ASCC2: variants seen among roughly 807,000 people sequenced by gnomAD.
The protein encoded by ASCC2 is activating signal cointegrator 1 complex subunit 2, also known as ASC-1 complex subunit P100.
A neutral mutation model predicts 93.5 loss-of-function variants in ASCC2; 42 were observed. That is an observed-to-expected ratio of 0.45 (90% confidence interval 0.35 to 0.58). ASCC2 has a LOEUF of 0.58. Among genes scored for constraint, ASCC2 ranks in the 20% least tolerant of loss-of-function variants. The probability of loss-of-function intolerance (pLI) is 0.00; values close to 1 mark genes in which losing one functional copy is unlikely to be tolerated. For synonymous variants in ASCC2, 364 were observed against 384.2 expected, an observed-to-expected ratio of 0.95 and a Z score of 0.62; for missense variants, 859 against 977.6, an observed-to-expected ratio of 0.88 and a Z score of 1.62.
At chr22:29,794,684 GAACTGTGCCACATC>G (rs1162900336) in intron 15 of ASCC2, among the ~76,000 whole-genome samples, 1 of 152,198 alleles carries the variant, frequency 6.6e-6, no homozygotes, top group Non-Finnish European at 1.5e-5. Context: ...AGAGCCAAAT[GAACTGTGCCACATC>G]TGTATTAGAT....
At chr22:29,793,761 T>A (rs1346342310) in intron 15 of ASCC2, 85 bp from the exon 16 acceptor site, 1 of 1,278,252 alleles carries the variant, frequency 7.8e-7, no homozygotes, top group Non-Finnish European at 1.1e-6. Flanking sequence ...GACCACAGGC[T>A]TAACTGCTCC....
chr22:29,813,680 C>T, intron 7 of ASCC2, 138 bp from the exon 8 acceptor site: 1 of 641,456 alleles, frequency 1.6e-6, no homozygotes, highest in South Asian at 1.9e-5. Flanking sequence ...ACTGGAGGTC[C>T]CAGGCAAAGT....
rs753366452 is a variant in ASCC2 at position 29,800,966 on chromosome 22, G to C, written c.1688+25C>G. ...CTGCACTTCCAGAGTTGGGGTATCG[G>C]AACCCCATGGCCCACTGCACTCACC... On this transcript the variant is annotated intron_variant, in intron 15 of 19. Transcript: ENST00000307790. 9 of 1,556,850 alleles carry C rather than the reference G, an allele frequency of 5.8e-6. No individual in the cohort carries two copies. In the South Asian group the frequency reaches 9.3e-5, roughly 16 times the overall value.
intron 15 of ASCC2, among the ~76,000 whole-genome samples, chr22:29,797,317 C>T (rs569770655): frequency 1.2e-4 from 19 of 152,302 alleles, no homozygotes; most frequent in Admixed American, 9.8e-4. Context: ...TCAAGCCTGT[C>T]CTTCAAGGCC....
intron 2 of ASCC2, among the ~76,000 whole-genome samples, chr22:29,829,263 T>G (rs763545748): frequency 6.6e-6 from 1 of 152,242 alleles, no homozygotes; most frequent in Non-Finnish European, 1.5e-5. Context: ...AATGCCTGAA[T>G]AAAGCTGTAT....
At chr22:29,810,502 G>C (rs182453429) in intron 8 of ASCC2, among the ~76,000 whole-genome samples, 4 of 152,320 alleles carry the variant, frequency 2.6e-5, no homozygotes, top group African/African-American at 9.6e-5. Context: ...CCACAGGATA[G>C]TCCAGAAAAA....
intron 4 of ASCC2, among the ~76,000 whole-genome samples, chr22:29,824,522 G>C (rs2062031423): frequency 6.6e-6 from 1 of 151,926 alleles, no homozygotes; most frequent in African/African-American, 2.4e-5. Context: ...GGCTGAGATG[G>C]GAGGATCACT....
Position 29,817,977 on chromosome 22 carries a change from C to T in ASCC2, c.542-1904G>A, listed in dbSNP as rs148060801. On this transcript the variant is annotated intron_variant, in intron 5 of 19. Transcript: ENST00000307790. ...TTGCAAAGCAGTGTCAAGAGTCTAA[C>T]TGAAATGGCTTGCTTTCAAAATTAT... Among the ~76,000 whole-genome samples the T allele has an allele frequency of 8.1e-3, 1,226 of 151,730 alleles. 18 individuals are homozygous for T. Among genetic ancestry groups the T allele is most frequent in the African/African-American group, 0.028 (1,158 of 41,344 alleles).
Position 29,822,482 on chromosome 22 carries a change from G to A in ASCC2, c.412-18C>T, listed in dbSNP as rs1413327321. On this transcript the variant is annotated intron_variant, in intron 4 of 19. Coordinates refer to ENST00000307790, the MANE Select transcript of ASCC2 (RefSeq NM_032204.5). The stretch of plus-strand genomic sequence containing the variant: ...AAGTGATCCTAAGGAAAAATGCAGA[G>A]AGAAAGGATAGAGATTTTCTGAACA... 19 of 1,612,674 alleles carry A rather than the reference G, an allele frequency of 1.2e-5. No individual in the cohort carries two copies. The highest frequency in any genetic ancestry group is 1.7e-4 in the Middle Eastern group (1 of 6,024).
rs200623883 is a variant in ASCC2 at position 29,813,385 on chromosome 22, C to T, written c.833+45G>A. 4.5e-4 allele frequency: 586 copies of T among 1,298,436 alleles called. 1 individual carries two copies. The African/African-American group carries it at 8.0e-3, about 18-fold the overall frequency. 80.4% of individuals were successfully genotyped at this position (1,298,436 alleles called of 1,614,324 possible). A position where few individuals can be genotyped will look rare whatever the true frequency, so the allele number is the denominator to read the frequency against. On this transcript the variant is annotated intron_variant, in intron 8 of 19. Coordinates refer to ENST00000307790, the MANE Select transcript of ASCC2 (RefSeq NM_032204.5). The stretch of plus-strand genomic sequence containing the variant: ...TGAGTAAATATTTGTTAAATTAGTA[C>T]ATAAGCCAGTATCTCTATTTCAACA...
intron 7 of ASCC2, 71 bp downstream of exon 7, chr22:29,814,586 A>G: frequency 7.5e-7 from 1 of 1,330,436 alleles, no homozygotes; most frequent in South Asian, 1.4e-5. Flanking sequence ...CAATCTTCCC[A>G]GCCTCTGGGT....
intron 5 of ASCC2, among the ~76,000 whole-genome samples, chr22:29,818,192 C>G (rs2061094911): frequency 6.6e-6 from 1 of 151,916 alleles, no homozygotes; most frequent in Non-Finnish European, 1.5e-5. Context: ...TTTCACTTGT[C>G]AATCCTCTTA....
chr22:29,802,020 G>C lies in ASCC2; in HGVS notation c.1542C>G (p.Leu514=). 6.2e-7 allele frequency: 1 copy of C among 1,605,890 alleles called. No homozygotes were observed. The highest frequency in any genetic ancestry group is 8.5e-7 in the Non-Finnish European group (1 of 1,175,882). The stretch of plus-strand genomic sequence containing the variant: ...TGTCTAGGTTGCGGTCCAGCTGGCT[G>C]AGGGTGGGGGCCAGCCGCTCCTCCA... ...NILEERLAPT[L]SQLDRNLDRE... is the part of the protein sequence containing the mutation. The change falls in exon 14 of 20, where the codon CTC becomes CTG. Residue 514 remains leucine (L), a synonymous_variant. Transcript: ENST00000307790.
At chr22:29,823,046 A>G (rs757666251) in intron 4 of ASCC2, among the ~76,000 whole-genome samples, 2 of 141,536 alleles carry the variant, frequency 1.4e-5, no homozygotes, top group Admixed American at 7.1e-5. Flanking sequence ...TTTTTTTTTA[A>G]ATTTTATTTT....
At chr22:29,794,235 T>C (rs866888646) in intron 15 of ASCC2, among the ~76,000 whole-genome samples, 1 of 151,278 alleles carries the variant, frequency 6.6e-6, no homozygotes. Context: ...GGCTCACTCC[T>C]GTAATCCCAA....
intron 14 of ASCC2, 76 bp downstream of exon 14, chr22:29,801,918 G>A: frequency 8.1e-7 from 1 of 1,232,602 alleles, no homozygotes; most frequent in Non-Finnish European, 1.2e-6. Flanking sequence ...CCATGAATGA[G>A]GGAAGGAAGA....
intron 5 of ASCC2, among the ~76,000 whole-genome samples, chr22:29,820,785 A>G (rs892505700): frequency 6.6e-6 from 1 of 151,926 alleles, no homozygotes; most frequent in Admixed American, 6.6e-5. Flanking sequence ...AAATACCTGT[A>G]ATCCCAGCTA....
At chr22:29,793,020 C>T (rs1208180267) in intron 17 of ASCC2, among the ~76,000 whole-genome samples, 3 of 152,014 alleles carry the variant, frequency 2.0e-5, no homozygotes, top group African/African-American at 7.2e-5. Flanking sequence ...GTGGTGCACA[C>T]CACACCTGTA....
chr22:29,819,251 C>CCCAGGTT (rs1375617702), intron 5 of ASCC2, among the ~76,000 whole-genome samples: 1 of 152,122 alleles, frequency 6.6e-6, no homozygotes, highest in Non-Finnish European at 1.5e-5. Flanking sequence ...ACCTCCGCCT[C>CCCAGGTT]CCAGGTTCAA....
Sources: allele counts gnomAD v4.1 joint callset (sites outside exome capture counted in the v4.1 genomes callset), GRCh38; gene constraint gnomAD v4.1.1; transcripts MANE v1.5; gene names NCBI Gene and HGNC (gene_info 2026-07-23, HGNC 2026-07-21).